The following HTR2C variants were observed in gnomAD, a reference collection of about 807,000 sequenced individuals.
The protein encoded by HTR2C is 5-hydroxytryptamine (serotonin) receptor 2C, G protein-coupled.
HTR2C carries 5 observed loss-of-function variants against 21.0 expected under a neutral mutation model. That is an observed-to-expected ratio of 0.24 (90% CI 0.12 to 0.50). The LOEUF (loss-of-function observed/expected upper bound fraction) is 0.50, where lower values mean the gene tolerates loss of function less well. HTR2C is among the 20% of genes least tolerant of loss of function. The pLI, the probability that HTR2C is intolerant of heterozygous loss-of-function variation, is 0.98. For synonymous variants in HTR2C, 150 were observed against 145.3 expected (o/e 1.03, Z -0.23); for missense variants, 271 against 371.2 (o/e 0.73, Z 2.22).
intron 2 of HTR2C, among the ~76,000 whole-genome samples, chrX:114,689,264 G>A (rs1932035104): frequency 2.1e-5 from 2 of 96,524 alleles, no homozygotes; most frequent in Non-Finnish European, 2.0e-5. Flanking sequence ...TGCTTGATGG[G>A]CATTTAGGCT....
intron 2 of HTR2C, among the ~76,000 whole-genome samples, chrX:114,683,034 G>A (rs897112837): frequency 2.7e-5 from 3 of 111,785 alleles, no homozygotes; most frequent in African/African-American, 9.8e-5. Context: ...CAAAATATGA[G>A]GTTGTAACTA....
intron 2 of HTR2C, among the ~76,000 whole-genome samples, chrX:114,698,837 G>A (rs1056914264): frequency 2.7e-5 from 3 of 111,404 alleles, no homozygotes; most frequent in Admixed American, 9.6e-5. Context: ...GTTTCAATGC[G>A]AAAAAAGAGG....
At chrX:114,817,048 G>T (rs1382069391) in intron 4 of HTR2C, among the ~76,000 whole-genome samples, 6 of 110,909 alleles carry the variant, frequency 5.4e-5, no homozygotes, top group African/African-American at 2.0e-4. Context: ...AGTGGATTGG[G>T]ATTAAATAAT....
At chrX:114,803,379 C>T (rs1170028901) in intron 4 of HTR2C, among the ~76,000 whole-genome samples, 3 of 85,659 alleles carry the variant, frequency 3.5e-5, no homozygotes, top group East Asian at 4.3e-4. Context: ...TTCTCCACAT[C>T]CTCTCCAGCA....
chrX:114,791,093 A>C (rs1396242309), intron 4 of HTR2C, among the ~76,000 whole-genome samples: 2 of 112,788 alleles, frequency 1.8e-5, no homozygotes, highest in African/African-American at 6.4e-5. Context: ...ATTCTGAATA[A>C]ATATGGCTTT....
intron 2 of HTR2C, among the ~76,000 whole-genome samples, chrX:114,659,019 G>A (rs1046287710): frequency 9.0e-6 from 1 of 111,309 alleles, no homozygotes; most frequent in Non-Finnish European, 1.9e-5. Context: ...ACATGGCTGG[G>A]GAGGCCTCAG....
rs1569486804 is a variant in HTR2C at position 114,718,977 on chromosome X, T to C, written c.-79-7881T>C. Among the ~76,000 whole-genome samples, 14 of 33,483 alleles carry C rather than the reference T, an allele frequency of 4.2e-4. 1 individual carries two copies. The highest frequency in any genetic ancestry group is 1.2e-4 in the Non-Finnish European group (2 of 16,445). The allele number at this position is 33,483 out of a possible 115,157, so 29.1% of individuals were successfully genotyped here. A position where few individuals can be genotyped will look rare whatever the true frequency, so the allele number is the denominator to read the frequency against. On this transcript the variant is annotated intron_variant, in intron 2 of 5. Transcript: ENST00000276198. The stretch of plus-strand genomic sequence containing the variant: ...TTAATATTAATATTAATATTTAATA[T>C]ATATAATATAATAATATAATATATA...
rs148314250 is a variant in HTR2C, at chrX:114,843,217, T to C, written c.350-4786T>C. Among the ~76,000 whole-genome samples the C allele has an allele frequency of 5.8e-3, 648 of 110,901 alleles. 8 individuals carry two copies. The highest frequency in any genetic ancestry group is 0.02 in the African/African-American group (622 of 30,551). On this transcript the variant is annotated intron_variant, in intron 4 of 5. Coordinates refer to ENST00000276198, the MANE Select transcript of HTR2C (RefSeq NM_000868.4). Reference sequence around the variant, plus strand: ...CAAAGAGCTGAAGGAAACCATGGAGTAAGAATTAAAGCAAACCAGAAGAAC... The same window carrying C: ...CAAAGAGCTGAAGGAAACCATGGAGCAAGAATTAAAGCAAACCAGAAGAAC...
intron 2 of HTR2C, among the ~76,000 whole-genome samples, chrX:114,680,764 A>T (rs1288312192): frequency 3.6e-5 from 4 of 111,903 alleles, no homozygotes; most frequent in Admixed American, 9.5e-5. Context: ...TTTAACTCAG[A>T]ATAGTCAATA....
intron 2 of HTR2C, among the ~76,000 whole-genome samples, chrX:114,655,746 T>C (rs782424095): frequency 9.0e-6 from 1 of 110,968 alleles, no homozygotes; most frequent in Non-Finnish European, 1.9e-5. Flanking sequence ...ATTGGCTTGA[T>C]TGGATTCCTT....
At chrX:114,814,105 A>G (rs2070560045) in intron 4 of HTR2C, among the ~76,000 whole-genome samples, 2 of 109,596 alleles carry the variant, frequency 1.8e-5, no homozygotes, top group Admixed American at 2.0e-4. Flanking sequence ...GGTTTGAAAA[A>G]GGGGTATATT....
chrX:114,727,076 A>T, intron 3 of HTR2C, 105 bp downstream of exon 3: 1 of 435,141 alleles, frequency 2.3e-6, no homozygotes, highest in Non-Finnish European at 3.7e-6. Flanking sequence ...TATTTGCCTA[A>T]ATCTGCATAA....
intron 2 of HTR2C, among the ~76,000 whole-genome samples, chrX:114,614,244 T>G (rs1425738874): frequency 2.8e-5 from 3 of 108,967 alleles, no homozygotes; most frequent in Non-Finnish European, 5.7e-5. Flanking sequence ...AAACTCTTGT[T>G]TTTTTTTTGT....
chrX:114,770,895 A>C (rs1262569304), intron 4 of HTR2C, among the ~76,000 whole-genome samples: 1 of 100,551 alleles, frequency 9.9e-6, no homozygotes, highest in Non-Finnish European at 2.0e-5. Context: ...TCCGCCTCCC[A>C]GGTTCAAGTG....
Position 114,661,284 on chromosome X carries a change from C to A in HTR2C, c.-80+47403C>A, listed in dbSNP as rs1350966212. ...CCTGGCTAACACAGTGAAACCCCGT[C>A]TCTACTAAAAATACCGCCGTGGTGG... On this transcript the variant is annotated intron_variant, in intron 2 of 5. Coordinates refer to ENST00000276198, the MANE Select transcript of HTR2C (RefSeq NM_000868.4). 7.2e-5 allele frequency among the ~76,000 whole-genome samples: 8 copies of A among 110,821 alleles called. No individual in the cohort carries two copies. In the Admixed American group the frequency reaches 7.7e-4, roughly 11 times the overall value.
chrX:114,598,656 C>A (rs1290277592), intron 1 of HTR2C, among the ~76,000 whole-genome samples: 1 of 111,061 alleles, frequency 9.0e-6, no homozygotes, highest in Non-Finnish European at 1.9e-5. Context: ...GTCCAAATAC[C>A]ATATGACTGT....
intron 5 of HTR2C, among the ~76,000 whole-genome samples, chrX:114,903,831 G>A: frequency 8.9e-6 from 1 of 111,960 alleles, no homozygotes; most frequent in Admixed American, 9.5e-5. Context: ...ATGCCTCCAG[G>A]GTGAAAGCAA....
chrX:114,703,031 C>T (rs782628836), intron 2 of HTR2C, among the ~76,000 whole-genome samples: 33 of 88,326 alleles, frequency 3.7e-4, no homozygotes, highest in Non-Finnish European at 6.1e-4. Context: ...ATATATGCAC[C>T]CAATACAGGA....
At chrX:114,634,341 CA>C (rs1929760812) in intron 2 of HTR2C, among the ~76,000 whole-genome samples, 1 of 111,047 alleles carries the variant, frequency 9.0e-6, no homozygotes, top group East Asian at 2.8e-4. Context: ...AAACATTTTT[CA>C]GTTAACTTTA....
Sources: gnomAD v4.1 joint callset for allele counts (sites outside exome capture counted in the v4.1 genomes callset) on GRCh38, gnomAD v4.1.1 for gene constraint, MANE v1.5 for transcripts, NCBI Gene and HGNC (gene_info 2026-07-23, HGNC 2026-07-21) for gene names.